TACC1: variants seen among roughly 807,000 people sequenced by gnomAD.
TACC1 encodes the protein transforming acidic coiled-coil-containing protein 1.
In TACC1, 48 loss-of-function variants were observed where a neutral mutation model predicts 84.4. The observed-to-expected ratio is 0.57, with a 90% CI of 0.45 to 0.72. TACC1 has a LOEUF of 0.72. Among genes scored for constraint, TACC1 ranks in the 30% least tolerant of loss-of-function variants. The pLI, the probability that TACC1 is intolerant of heterozygous loss-of-function variation, is 0.00. For synonymous variants in TACC1, 372 were observed against 376.3 expected (o/e 0.99, Z 0.13); for missense variants, 920 against 973.0 (o/e 0.95, Z 0.72).
chr8:38,830,922 T>A (rs981862264), intron 5 of TACC1, among the ~76,000 whole-genome samples: 1 of 152,220 alleles, frequency 6.6e-6, no homozygotes, highest in Non-Finnish European at 1.5e-5. Context: ...TGTGGCTGAC[T>A]AACCATGTGC....
intron 2 of TACC1, among the ~76,000 whole-genome samples, chr8:38,744,600 A>G (rs1379110722): frequency 6.6e-6 from 1 of 152,156 alleles, no homozygotes; most frequent in Non-Finnish European, 1.5e-5. Context: ...ATACTAGGAA[A>G]TAGTAGCTTC....
intron 3 of TACC1, among the ~76,000 whole-genome samples, chr8:38,752,942 G>T (rs1276077351): frequency 6.6e-6 from 1 of 152,066 alleles, no homozygotes; most frequent in African/African-American, 2.4e-5. Flanking sequence ...CAGCAGGGTT[G>T]CCCATAACTT....
intron 11 of TACC1, among the ~76,000 whole-genome samples, chr8:38,844,194 A>G (rs1055349420): frequency 2.6e-5 from 4 of 151,942 alleles, no homozygotes; most frequent in African/African-American, 9.7e-5. Flanking sequence ...ATTTTTTGAG[A>G]CGGAGTTTCT....
chr8:38,815,708 C>T (rs534764853), intron 2 of TACC1, among the ~76,000 whole-genome samples: 13 of 152,084 alleles, frequency 8.5e-5, no homozygotes, highest in Admixed American at 3.3e-4. Context: ...TGTGAGTCAC[C>T]GTGCCCGGCA....
intron 2 of TACC1, among the ~76,000 whole-genome samples, chr8:38,814,350 A>G (rs1032330069): frequency 1.3e-5 from 2 of 152,178 alleles, no homozygotes; most frequent in African/African-American, 4.8e-5. Context: ...TCACCATATA[A>G]TGATGTTTTG....
At chr8:38,771,835 A>G (rs531141883) in intron 3 of TACC1, among the ~76,000 whole-genome samples, 49 of 152,176 alleles carry the variant, frequency 3.2e-4, no homozygotes, top group Non-Finnish European at 6.2e-4. Context: ...TCCTGGGCTC[A>G]AGTGATCCTC....
chr8:38,829,975 CAGCCATGGGAAGA>C, intron 5 of TACC1, among the ~76,000 whole-genome samples: 1 of 152,128 alleles, frequency 6.6e-6, no homozygotes, highest in Non-Finnish European at 1.5e-5. Flanking sequence ...GATTTTCACA[CAGCCATGGGAAGA>C]AAGCTGCCAC....
At chr8:38,790,059 C>G (rs1818278703) in intron 2 of TACC1, among the ~76,000 whole-genome samples, 2 of 152,214 alleles carry the variant, frequency 1.3e-5, no homozygotes, top group Non-Finnish European at 2.9e-5. Flanking sequence ...AACCAGAAGT[C>G]TCAAGTCAAG....
At chr8:38,735,947 A>G (rs910353066) in intron 1 of TACC1, among the ~76,000 whole-genome samples, 1 of 152,158 alleles carries the variant, frequency 6.6e-6, no homozygotes, top group Non-Finnish European at 1.5e-5. Context: ...GTAGCTTAAA[A>G]CAGAACAAAA....
At chr8:38,746,468 A>AT (rs1808110927) in intron 3 of TACC1, among the ~76,000 whole-genome samples, 2 of 151,908 alleles carry the variant, frequency 1.3e-5, no homozygotes, top group Non-Finnish European at 2.9e-5. Flanking sequence ...TTCTTTAAAT[A>AT]TTTTTTCTAC....
intron 1 of TACC1, chr8:38,742,291 T>C (rs1242352593): frequency 1.5e-6 from 1 of 687,982 alleles, no homozygotes; most frequent in Non-Finnish European, 2.1e-6. Context: ...TGGAAACTTG[T>C]GCTGGAAACT....
intron 9 of TACC1, chr8:38,840,691 C>T (rs1018424294): frequency 1.9e-5 from 3 of 155,858 alleles, no homozygotes; most frequent in Admixed American, 6.4e-5. Flanking sequence ...TAGATACAGT[C>T]GTCTCATTAT....
Position 38,836,289 on chromosome 8 carries a change from TA to T in TACC1, c.1839+6del. 1 of 1,606,638 alleles carries T rather than the reference TA, an allele frequency of 6.2e-7. No individual in the cohort carries two copies. ...GTGCTCACCTTAATAAGAGAAGAGG[TA>T]AAAGCTCTCCTGTTTAGTCTGCTTA... On this transcript the variant is annotated splice_donor_region_variant and intron_variant, in intron 7 of 12. Transcript: ENST00000317827.
chr8:38,852,063 T>C lies in TACC1; in HGVS notation c.*4040T>C, dbSNP rs1564053531. 1 of 416,898 alleles carries C rather than the reference T, an allele frequency of 2.4e-6. No individual in the cohort carries two copies. Among genetic ancestry groups the C allele is most frequent in the Non-Finnish European group, 4.9e-6 (1 of 204,620 alleles). 25.8% of individuals were successfully genotyped at this position (416,898 alleles called of 1,614,324 possible). The stretch of plus-strand genomic sequence containing the variant: ...TCAAAGGATCTCCTCTGGAAGAGAC[T>C]ATCAGCGGCAGCATTCTCCAGGGAA... On this transcript the variant is annotated 3_prime_UTR_variant, in exon 13 of 13. Transcript: ENST00000317827.
intron 1 of TACC1, among the ~76,000 whole-genome samples, chr8:38,741,561 G>A (rs540286900): frequency 3.9e-4 from 59 of 152,224 alleles, no homozygotes; most frequent in Non-Finnish European, 5.9e-4. Context: ...GATTCTTTCA[G>A]TCTCCTGGTT....
At chr8:38,740,261 C>A (rs1243147546) in intron 1 of TACC1, among the ~76,000 whole-genome samples, 1 of 152,196 alleles carries the variant, frequency 6.6e-6, no homozygotes, top group African/African-American at 2.4e-5. Context: ...CTGCTTGAAT[C>A]CAGGTGATCC....
chr8:38,803,807 C>T (rs1314518498), intron 2 of TACC1, among the ~76,000 whole-genome samples: 1 of 151,990 alleles, frequency 6.6e-6, no homozygotes, highest in Non-Finnish European at 1.5e-5. Flanking sequence ...GTGCTTCTTC[C>T]CTCGGTATTT....
chr8:38,755,977 G>A (rs982948879), intron 3 of TACC1, among the ~76,000 whole-genome samples: 1 of 151,750 alleles, frequency 6.6e-6, no homozygotes, highest in East Asian at 2.0e-4. Context: ...ACCATGCCCG[G>A]CTAATTTTTG....
At position 38,832,401 on chromosome 8, in the gene TACC1, T is replaced by C. The variant is rs115759281; in HGVS notation, c.1713+1224T>C. On this transcript the variant is annotated intron_variant, in intron 6 of 12. Coordinates refer to ENST00000317827, the MANE Select transcript of TACC1 (RefSeq NM_006283.3). ...AAGCCAGCTGGTGAGGAACATATCATATGCTGTGACCTTTTAAAAGCAACT... is the reference window on the plus strand; with the variant it reads ...AAGCCAGCTGGTGAGGAACATATCACATGCTGTGACCTTTTAAAAGCAACT... Among the ~76,000 whole-genome samples, 787 of 152,350 alleles carry C rather than the reference T, an allele frequency of 5.2e-3. 8 individuals carry two copies. Among genetic ancestry groups the C allele is most frequent in the African/African-American group, 0.018 (742 of 41,576 alleles).
Sources: allele counts gnomAD v4.1 joint callset (sites outside exome capture counted in the v4.1 genomes callset), GRCh38; gene constraint gnomAD v4.1.1; transcripts MANE v1.5; gene names NCBI Gene and HGNC (gene_info 2026-07-23, HGNC 2026-07-21).